The following COL4A2 variants were observed in gnomAD, a reference collection of about 807,000 sequenced individuals.
COL4A2 encodes collagen alpha-2(IV) chain.
In COL4A2, 99 loss-of-function variants were observed where a neutral mutation model predicts 200.2. The ratio of observed to expected loss-of-function variants is 0.49; its 90% CI spans 0.42 to 0.58. The LOEUF is 0.58. Ranked by LOEUF, COL4A2 falls within the 20% of genes least tolerant of loss-of-function variation. COL4A2 has a pLI of 0.00. For synonymous variants in COL4A2, 897 were observed against 900.6 expected, an observed-to-expected ratio of 1.00 and a Z score of 0.07; for missense variants, 1,950 against 2,314.1, an observed-to-expected ratio of 0.84 and a Z score of 3.23.
rs543712386 is a variant in COL4A2 at position 110,307,751 on chromosome 13, A to G, written c.-44-109A>G. On this transcript the variant is annotated intron_variant, in intron 1 of 47. Transcript: ENST00000360467. The surrounding 1 kb of genome is among the most constrained non-coding windows in gnomAD (Gnocchi z 5.0). The stretch of plus-strand genomic sequence containing the variant: ...GGGACGGCCCTCCGGTCACCCCTGC[A>G]TGCGGGCCGCGCACCGCGCTGTCCC... 2.1e-4 allele frequency: 218 copies of G among 1,062,704 alleles called. 1 individual carries two copies. The African/African-American group carries it at 3.2e-3, about 16-fold the overall frequency. The allele number at this position is 1,062,704 out of a possible 1,614,324, so 65.8% of individuals were successfully genotyped here.
intron 4 of COL4A2, among the ~76,000 whole-genome samples, chr13:110,405,487 G>C (rs367796920): frequency 7.6e-6 from 1 of 131,432 alleles, no homozygotes; most frequent in African/African-American, 2.8e-5. Context: ...TCCCAGACCC[G>C]TCTTCTCCAT....
At chr13:110,395,392 C>T (rs973793770) in intron 4 of COL4A2, among the ~76,000 whole-genome samples, 3 of 152,146 alleles carry the variant, frequency 2.0e-5, no homozygotes, top group Non-Finnish European at 4.4e-5. Context: ...TATGAAGGCA[C>T]ATAAGGGATT....
intron 3 of COL4A2, among the ~76,000 whole-genome samples, chr13:110,328,887 C>G (rs575532616): frequency 1.3e-5 from 2 of 152,292 alleles, no homozygotes; most frequent in African/African-American, 4.8e-5. Flanking sequence ...TATATTAGAT[C>G]ACTTTTTGAG....
At chr13:110,337,992 G>A (rs1339430686) in intron 3 of COL4A2, among the ~76,000 whole-genome samples, 1 of 152,056 alleles carries the variant, frequency 6.6e-6, no homozygotes, top group Non-Finnish European at 1.5e-5. Flanking sequence ...TGAGGCCAGG[G>A]GTGTGGATTA....
At chr13:110,469,401 T>G in intron 28 of COL4A2, 77 bp downstream of exon 28, 1 of 1,390,480 alleles carries the variant, frequency 7.2e-7, no homozygotes, top group Non-Finnish European at 9.8e-7. Context: ...CATCCAGCTC[T>G]ATTATCTTCC....
intron 3 of COL4A2, among the ~76,000 whole-genome samples, chr13:110,347,384 A>C (rs1381394611): frequency 6.6e-6 from 1 of 152,184 alleles, no homozygotes; most frequent in African/African-American, 2.4e-5. Flanking sequence ...AGCCCTGTGC[A>C]AGGGTGCCAT....
intron 18 of COL4A2, among the ~76,000 whole-genome samples, chr13:110,447,844 C>T (rs1272096512): frequency 6.6e-6 from 1 of 152,190 alleles, no homozygotes; most frequent in Non-Finnish European, 1.5e-5. Context: ...CAGCAGGTCA[C>T]CTGGTCTCCC....
chr13:110,359,607 T>A (rs1475864852), intron 4 of COL4A2, among the ~76,000 whole-genome samples: 2 of 152,208 alleles, frequency 1.3e-5, no homozygotes, highest in African/African-American at 4.8e-5. Context: ...TGAAGTCAGT[T>A]TCTACCGTAG....
At chr13:110,385,412 TGGA>T (rs1878650980) in intron 4 of COL4A2, among the ~76,000 whole-genome samples, 2 of 97,786 alleles carry the variant, frequency 2.0e-5, no homozygotes, top group Non-Finnish European at 4.6e-5. Context: ...TTACAGTGTG[TGGA>T]TAGACTGTGG....
intron 29 of COL4A2, among the ~76,000 whole-genome samples, chr13:110,475,675 C>T (rs1041639242): frequency 6.6e-5 from 10 of 152,234 alleles, no homozygotes; most frequent in African/African-American, 2.4e-4. Flanking sequence ...AGTTTCAGTT[C>T]CGCTCACCAG....
intron 3 of COL4A2, among the ~76,000 whole-genome samples, chr13:110,342,004 C>T (rs142227232): frequency 1.1e-4 from 17 of 152,270 alleles, no homozygotes; most frequent in Admixed American, 1.1e-3. Flanking sequence ...ACAGGACTCA[C>T]GAATTTTTAT....
At chr13:110,351,879 T>G (rs554642035) in intron 3 of COL4A2, among the ~76,000 whole-genome samples, 67 of 152,336 alleles carry the variant, frequency 4.4e-4, no homozygotes, top group African/African-American at 1.6e-3. Flanking sequence ...GTCTGAAGTT[T>G]CCTGGCCAAT....
In COL4A2 at chr13:110,468,058, C is replaced by T. The variant is rs1420153675; in HGVS notation, c.2095+962C>T. ...GATGCTTCCTGCTGCACAAATCATG[C>T]CCTCACTGCTTCCCGTGATAAACTG... On this transcript the variant is annotated intron_variant, in intron 27 of 47. Coordinates refer to ENST00000360467, the MANE Select transcript of COL4A2 (RefSeq NM_001846.4). 6 of 434,420 alleles carry T rather than the reference C, an allele frequency of 1.4e-5. No homozygotes were observed. The East Asian group carries it at 2.9e-4, about 21-fold the overall frequency. The allele number at this position is 434,420 out of a possible 1,614,324, so 26.9% of individuals were successfully genotyped here.
chr13:110,354,591 T>C (rs1359718931), intron 3 of COL4A2, among the ~76,000 whole-genome samples: 1 of 151,900 alleles, frequency 6.6e-6, no homozygotes, highest in African/African-American at 2.4e-5. Context: ...AGGTACTGTT[T>C]TCTCTGAAGG....
intron 3 of COL4A2, among the ~76,000 whole-genome samples, chr13:110,309,879 T>C (rs556028533): frequency 1.3e-5 from 2 of 152,238 alleles, no homozygotes; most frequent in East Asian, 3.9e-4. Flanking sequence ...TAATTCCAGC[T>C]ACTCAGGAGG....
At chr13:110,408,698 T>C (rs1879674011) in intron 4 of COL4A2, among the ~76,000 whole-genome samples, 4 of 152,090 alleles carry the variant, frequency 2.6e-5, no homozygotes, top group Admixed American at 2.0e-4. Flanking sequence ...CCTTGCGGCA[T>C]TGCTCCTGCC....
intron 28 of COL4A2, among the ~76,000 whole-genome samples, chr13:110,472,175 G>C (rs1193943962): frequency 1.4e-5 from 2 of 146,718 alleles, no homozygotes; most frequent in Non-Finnish European, 3.0e-5. Context: ...GAGTGCAGTG[G>C]TGCGATCTTG....
At chr13:110,498,063 A>G (rs1883522554) in intron 40 of COL4A2, among the ~76,000 whole-genome samples, 1 of 152,250 alleles carries the variant, frequency 6.6e-6, no homozygotes, top group Non-Finnish European at 1.5e-5. Flanking sequence ...AGTAGAGTTG[A>G]CCATGCCCGT....
intron 3 of COL4A2, among the ~76,000 whole-genome samples, chr13:110,321,040 G>T (rs1312044160): frequency 6.6e-6 from 1 of 152,068 alleles, no homozygotes. Context: ...TAACTTTCCT[G>T]TAATAAAAAA....
Sources: gnomAD v4.1 joint callset for allele counts (sites outside exome capture counted in the v4.1 genomes callset) on GRCh38, gnomAD v4.1.1 for gene constraint, Gnocchi (gnomAD v3.1) non-coding constraint, MANE v1.5 for transcripts, NCBI Gene and HGNC (gene_info 2026-07-23, HGNC 2026-07-21) for gene names.